Variants in C12orf42 observed in about 807,000 individuals in gnomAD.
C12orf42 encodes chromosome 12 open reading frame 42, also known as uncharacterized protein C12orf42.
Under a neutral mutation model 21.6 loss-of-function variants are expected in C12orf42, and 25 were observed. The observed-to-expected ratio is 1.16, with a 90% CI of 0.84 to 1.62. C12orf42 has a LOEUF of 1.62. Ranked by LOEUF, C12orf42 falls within the 40% of genes most tolerant of loss-of-function variation. The pLI is 0.00. For missense variants in C12orf42, 483 were observed against 459.3 expected, an observed-to-expected ratio of 1.05 and a Z score of -0.47; for synonymous variants, 174 against 175.0, an observed-to-expected ratio of 0.99 and a Z score of 0.05.
At chr12:103,537,478 G>A in the C12orf42 span, among the ~76,000 whole-genome samples, 1 of 152,164 alleles carries the variant, frequency 6.6e-6, no homozygotes, top group African/African-American at 2.4e-5. Context: ...CACCAAGAAA[G>A]TGGTGACTTG....
chr12:103,117,576 C>T, the C12orf42 span, among the ~76,000 whole-genome samples: 1 of 152,212 alleles, frequency 6.6e-6, no homozygotes, highest in Non-Finnish European at 1.5e-5. Flanking sequence ...CCTTGTTTAA[C>T]CTTCACATCA....
At chr12:103,546,340 T>C in the C12orf42 span, among the ~76,000 whole-genome samples, 2 of 152,332 alleles carry the variant, frequency 1.3e-5, no homozygotes, top group Admixed American at 6.5e-5. Context: ...TCTGGACAAA[T>C]GGTCCTGTCA....
chr12:103,290,148 G>T (rs964172586), intron 4 of C12orf42, among the ~76,000 whole-genome samples: 4 of 152,162 alleles, frequency 2.6e-5, no homozygotes, highest in Admixed American at 2.6e-4. Context: ...GTACCACTCT[G>T]CTGGGAAAAC....
In C12orf42 at chr12:103,390,362, G is replaced by A. The variant is rs76834151; in HGVS notation, c.147+11245C>T. On this transcript the variant is annotated intron_variant, in intron 3 of 5. Transcript: ENST00000548883. ...TGAGTGTATAATTAACGGATATTACGTACATACACAATGCTCAATAATCAT... is the reference window on the plus strand; with the variant it reads ...TGAGTGTATAATTAACGGATATTACATACATACACAATGCTCAATAATCAT... Among the ~76,000 whole-genome samples, 1,521 of 152,100 alleles carry A rather than the reference G, an allele frequency of 0.01. 135 individuals carry two copies. The East Asian group carries it at 0.2, about 20-fold the overall frequency.
chr12:103,279,943 AG>A, intron 4 of C12orf42, among the ~76,000 whole-genome samples: 1 of 152,224 alleles, frequency 6.6e-6, no homozygotes. Context: ...AGCGTATGAC[AG>A]GGTAAGTATA....
chr12:103,298,298 C>T (rs7970766), downstream of C12orf42, among the ~76,000 whole-genome samples: 2 of 152,100 alleles, frequency 1.3e-5, no homozygotes, highest in African/African-American at 4.8e-5. Flanking sequence ...ACAAGCATTC[C>T]TATACACCAA....
chr12:103,220,042 A>G, the C12orf42 span, among the ~76,000 whole-genome samples: 3 of 152,248 alleles, frequency 2.0e-5, no homozygotes, highest in Non-Finnish European at 4.4e-5. Context: ...CTGGATAAAG[A>G]AAATGTGGCA....
At chr12:103,547,647 G>A in the C12orf42 span, 6 of 151,038 alleles carry the variant, frequency 4.0e-5, no homozygotes, top group Non-Finnish European at 8.8e-5. Flanking sequence ...CTGAAAGAAC[G>A]CAGGAGGCTT....
intron 2 of C12orf42, among the ~76,000 whole-genome samples, chr12:103,453,936 C>G (rs563104191): frequency 6.6e-6 from 1 of 151,996 alleles, no homozygotes; most frequent in Admixed American, 6.6e-5. Flanking sequence ...AGGACAGACC[C>G]AATAAAAAGA....
the C12orf42 span, among the ~76,000 whole-genome samples, chr12:103,063,895 T>C: frequency 6.6e-6 from 1 of 152,298 alleles, no homozygotes; most frequent in South Asian, 2.1e-4. Context: ...GATCAGGCTG[T>C]GTTAATTTGG....
intron 4 of C12orf42, among the ~76,000 whole-genome samples, chr12:103,363,996 T>A (rs1418963521): frequency 6.6e-6 from 1 of 152,058 alleles, no homozygotes; most frequent in Non-Finnish European, 1.5e-5. Flanking sequence ...ACAAATGGAC[T>A]TAACAGATAT....
chr12:103,369,091 G>C (rs1278229678), intron 3 of C12orf42, 93 bp from the exon 4 acceptor site: 2 of 553,902 alleles, frequency 3.6e-6, no homozygotes, highest in Non-Finnish European at 6.4e-6. Context: ...TCCCTAAAGT[G>C]AGTGACATTT....
At chr12:103,169,735 G>T in the C12orf42 span, among the ~76,000 whole-genome samples, 2 of 151,686 alleles carry the variant, frequency 1.3e-5, no homozygotes, top group Non-Finnish European at 2.9e-5. Context: ...TCATTAAAAA[G>T]ATATACATAT....
intron 2 of C12orf42, among the ~76,000 whole-genome samples, chr12:103,474,924 A>G (rs377012173): frequency 1.3e-5 from 2 of 152,356 alleles, no homozygotes; most frequent in South Asian, 2.1e-4. Context: ...ACAAAGTTTT[A>G]GAGACCCTCA....
At chr12:103,308,817 G>T (rs888951965) in intron 4 of C12orf42, among the ~76,000 whole-genome samples, 3 of 152,124 alleles carry the variant, frequency 2.0e-5, no homozygotes, top group Non-Finnish European at 4.4e-5. Flanking sequence ...CTAAAATGGT[G>T]GTCCTTAATC....
chr12:103,333,757 A>G (rs1301739909), intron 4 of C12orf42, among the ~76,000 whole-genome samples: 1 of 152,190 alleles, frequency 6.6e-6, no homozygotes, highest in African/African-American at 2.4e-5. Flanking sequence ...TTGGCCTGTA[A>G]TTCTTCAATC....
chr12:103,122,010 A>G, the C12orf42 span, among the ~76,000 whole-genome samples: 1 of 152,314 alleles, frequency 6.6e-6, no homozygotes, highest in South Asian at 2.1e-4. Flanking sequence ...TGCTCAAGGT[A>G]GCCATGGCAC....
At chr12:103,446,660 G>A (rs912661753) in intron 2 of C12orf42, among the ~76,000 whole-genome samples, 2 of 151,844 alleles carry the variant, frequency 1.3e-5, no homozygotes, top group Admixed American at 1.3e-4. Flanking sequence ...GTAAAGGGGT[G>A]GAGAAAGATA....
the C12orf42 span, among the ~76,000 whole-genome samples, chr12:103,510,358 G>T: frequency 7.9e-5 from 12 of 152,136 alleles, no homozygotes; most frequent in Non-Finnish European, 1.6e-4. Flanking sequence ...GGATTTGGGG[G>T]TAAGTGTGGG....
Sources: gnomAD v4.1 joint callset for allele counts (sites outside exome capture counted in the v4.1 genomes callset) on GRCh38, gnomAD v4.1.1 for gene constraint, MANE v1.5 for transcripts, NCBI Gene and HGNC (gene_info 2026-07-23, HGNC 2026-07-21) for gene names.